The following MGST1 variants were observed in gnomAD, a reference collection of about 807,000 sequenced individuals.
MGST1 encodes the protein glutathione S-transferase 12.
A neutral mutation model predicts 8.9 loss-of-function variants in MGST1; 5 were observed. The observed-to-expected ratio is 0.56, with a 90% CI of 0.29 to 1.19. The LOEUF is 1.19. Ranked by LOEUF, MGST1 falls within the 50% of genes most tolerant of loss-of-function variation. The pLI, the probability that MGST1 is intolerant of heterozygous loss-of-function variation, is 0.08. For synonymous variants in MGST1, 54 were observed against 67.8 expected (o/e 0.80, Z 1.00); for missense variants, 182 against 187.4 (o/e 0.97, Z 0.17).
At chr12:16,475,840 T>C (rs1541588) in intron 4 of MGST1, among the ~76,000 whole-genome samples, 88,292 of 151,886 alleles carry the variant, frequency 0.58, 25,960 homozygotes, top group Non-Finnish European at 0.64. Context: ...ATGTGCCTGA[T>C]TCATTGTTAA....
intron 4 of MGST1, among the ~76,000 whole-genome samples, chr12:16,530,886 C>G (rs1399249630): frequency 6.6e-6 from 1 of 152,000 alleles, no homozygotes; most frequent in Admixed American, 6.6e-5. Flanking sequence ...AAAGTAAGAG[C>G]ATGGTCTTTG....
At chr12:16,554,676 TAGTC>T (rs779546762) in intron 4 of MGST1, among the ~76,000 whole-genome samples, 3 of 152,184 alleles carry the variant, frequency 2.0e-5, no homozygotes, top group Non-Finnish European at 4.4e-5. Flanking sequence ...TATATGCTCT[TAGTC>T]AGAAAATAAA....
In MGST1 at chr12:16,372,804, A is replaced by G. The variant is rs553825351; in HGVS notation, c.222-3318A>G. On this transcript the variant is annotated intron_variant, in intron 3 of 3. Coordinates refer to the MGST1 transcript ENST00000535309. ...ATCAACAGGTGGATGGATAAAGAAG[A>G]TGGGATGTGTGTGTGTATAATATAA... Among the ~76,000 whole-genome samples the G allele has an allele frequency of 6.0e-5, 9 of 150,938 alleles. No individual in the cohort carries two copies. In the East Asian group the frequency reaches 1.4e-3, roughly 23 times the overall value.
Position 16,401,395 on chromosome 12 carries a change from T to C in MGST1, n.778+17791T>C, listed in dbSNP as rs1940654637. On this transcript the variant is annotated intron_variant and non_coding_transcript_variant, in intron 1 of 1. Coordinates refer to the MGST1 transcript ENST00000359720. This position sits in a 1 kb window ranked among gnomAD's most constrained non-coding sequence, Gnocchi z 4.3. ...CCCAAATCCTAGGTTTCTGGTAATT[T>C]TGTTCAGGAGTTCTGGCTTCTGCTT... 1 of 1,069,418 alleles carries C rather than the reference T, an allele frequency of 9.4e-7. No homozygotes were observed. Among genetic ancestry groups the C allele is most frequent in the African/African-American group, 1.6e-5 (1 of 64,198 alleles). 66.2% of individuals were successfully genotyped at this position (1,069,418 alleles called of 1,614,324 possible).
At chr12:16,366,596 G>T (rs1940192370), downstream of MGST1, among the ~76,000 whole-genome samples, 1 of 148,342 alleles carries the variant, frequency 6.7e-6, no homozygotes, top group African/African-American at 2.5e-5. This position sits in a 1 kb window ranked among gnomAD's most constrained non-coding sequence, Gnocchi z 4.0. Flanking sequence ...AAAGATTGTG[G>T]TTATCTTTCT....
chr12:16,365,190 CTT>C (rs1940163542), downstream of MGST1, among the ~76,000 whole-genome samples: 2 of 152,122 alleles, frequency 1.3e-5, no homozygotes, highest in South Asian at 4.1e-4. Flanking sequence ...TCCCCACAAA[CTT>C]TCACTTAATA....
At chr12:16,574,374 C>A (rs184979804) in intron 4 of MGST1, among the ~76,000 whole-genome samples, 7 of 152,210 alleles carry the variant, frequency 4.6e-5, no homozygotes, top group Admixed American at 3.3e-4. Context: ...AGAGGAGAGA[C>A]CTTCTGCTTT....
At chr12:16,564,872 A>ACCT (rs1942537156) in intron 4 of MGST1, among the ~76,000 whole-genome samples, 1 of 152,134 alleles carries the variant, frequency 6.6e-6, no homozygotes, top group East Asian at 1.9e-4. Flanking sequence ...TGCAGCCTTG[A>ACCT]CCTCCTAGGC....
chr12:16,443,506 C>G (rs535744324), downstream of MGST1, among the ~76,000 whole-genome samples: 1 of 151,168 alleles, frequency 6.6e-6, no homozygotes, highest in Admixed American at 6.6e-5. Flanking sequence ...TTTGTTATAA[C>G]TTTTAGTATC....
intron 1 of MGST1, among the ~76,000 whole-genome samples, chr12:16,425,501 C>G (rs1369972806): frequency 6.6e-6 from 1 of 152,176 alleles, no homozygotes; most frequent in Admixed American, 6.5e-5. Context: ...CCAAGCTGGT[C>G]TCAAACTCCA....
downstream of MGST1, among the ~76,000 whole-genome samples, chr12:16,439,835 T>C (rs567905883): frequency 2.0e-5 from 3 of 151,926 alleles, no homozygotes; most frequent in Admixed American, 1.3e-4. Flanking sequence ...CTCACCTTTT[T>C]ATATATTATT....
intron 4 of MGST1, chr12:16,549,447 G>C (rs1653323651): frequency 1.3e-5 from 2 of 152,426 alleles, no homozygotes; most frequent in Non-Finnish European, 2.9e-5. Flanking sequence ...AGATTCACAT[G>C]CATGTTCATA....
At chr12:16,405,511 A>G (rs1159521848) in intron 1 of MGST1, among the ~76,000 whole-genome samples, 1 of 152,132 alleles carries the variant, frequency 6.6e-6, no homozygotes, top group Non-Finnish European at 1.5e-5. Context: ...GTATCATTCT[A>G]CTGAAACTAT....
chr12:16,524,055 A>G (rs1396108752), intron 4 of MGST1, among the ~76,000 whole-genome samples: 1 of 152,094 alleles, frequency 6.6e-6, no homozygotes. Context: ...TAAACATTTC[A>G]ATTCTTTCCT....
chr12:16,350,351 C>T (rs1248537526), intron 1 of MGST1, among the ~76,000 whole-genome samples: 1 of 152,228 alleles, frequency 6.6e-6, no homozygotes, highest in African/African-American at 2.4e-5. Context: ...AATGAGCAAA[C>T]AAACCACTGT....
chr12:16,583,377 C>CTTTTTACAGAACAT (rs1395649910), intron 4 of MGST1, among the ~76,000 whole-genome samples: 2 of 151,936 alleles, frequency 1.3e-5, no homozygotes, highest in Non-Finnish European at 1.5e-5. Context: ...GATAAAGCAT[C>CTTTTTACAGAACAT]TTTTTACAGA....
chr12:16,554,788 C>G (rs1565480142), intron 4 of MGST1, among the ~76,000 whole-genome samples: 1 of 152,186 alleles, frequency 6.6e-6, no homozygotes, highest in Non-Finnish European at 1.5e-5. Context: ...TCCCCAGTAG[C>G]TCTGACTACA....
chr12:16,539,603 G>A (rs1034675102), intron 4 of MGST1, among the ~76,000 whole-genome samples: 1 of 152,102 alleles, frequency 6.6e-6, no homozygotes, highest in Non-Finnish European at 1.5e-5. Context: ...TTTGTCAACT[G>A]TATCAGCTGG....
At chr12:16,574,512 G>C (rs141584332) in intron 4 of MGST1, among the ~76,000 whole-genome samples, 106 of 152,202 alleles carry the variant, frequency 7.0e-4, no homozygotes, top group Non-Finnish European at 1.3e-3. Context: ...TTTTCTTATA[G>C]TCTTTCTGAC....
Sources: gnomAD v4.1 joint callset for allele counts (sites outside exome capture counted in the v4.1 genomes callset) on GRCh38, gnomAD v4.1.1 for gene constraint, Gnocchi (gnomAD v3.1) non-coding constraint, MANE v1.5 for transcripts, NCBI Gene and HGNC (gene_info 2026-07-23, HGNC 2026-07-21) for gene names.